RELN: variants seen among roughly 807,000 people sequenced by gnomAD.
The protein encoded by RELN is reelin.
In RELN, 108 loss-of-function variants were observed where a neutral mutation model predicts 427.6. That is an observed-to-expected ratio of 0.25 (90% CI 0.22 to 0.30). The LOEUF is 0.30. RELN is among the 10% of genes least tolerant of loss of function. The probability of loss-of-function intolerance (pLI) is 1.00; values close to 1 mark genes in which losing one functional copy is unlikely to be tolerated. For synonymous variants in RELN, 1,524 were observed against 1,513.4 expected (o/e 1.01, Z -0.16); for missense variants, 3,715 against 4,302.8 (o/e 0.86, Z 3.82).
intron 37 of RELN, 93 bp from the exon 38 acceptor site, chr7:103,557,252 G>A (rs1729020812): frequency 8.6e-6 from 9 of 1,049,674 alleles, no homozygotes; most frequent in Non-Finnish European, 1.3e-5. Context: ...CAATGCATAA[G>A]AGAACTTATG....
intron 28 of RELN, among the ~76,000 whole-genome samples, chr7:103,577,152 T>C (rs1831022322): frequency 6.6e-6 from 1 of 152,198 alleles, no homozygotes; most frequent in Non-Finnish European, 1.5e-5. Flanking sequence ...TCTTAAAGAT[T>C]AATGAAGGTT....
chr7:103,724,572 T>C (rs1790158446), intron 7 of RELN, among the ~76,000 whole-genome samples: 1 of 152,212 alleles, frequency 6.6e-6, no homozygotes, highest in African/African-American at 2.4e-5. Flanking sequence ...TGTCACCTAC[T>C]TGATCAAGTT....
At chr7:103,738,329 C>A (rs933800931) in intron 6 of RELN, among the ~76,000 whole-genome samples, 1 of 151,780 alleles carries the variant, frequency 6.6e-6, no homozygotes, top group African/African-American at 2.4e-5. Flanking sequence ...GTTTTAGTTC[C>A]TTTGCAGTCT....
intron 16 of RELN, among the ~76,000 whole-genome samples, chr7:103,642,990 A>G (rs1268910635): frequency 6.6e-6 from 1 of 152,092 alleles, no homozygotes; most frequent in Non-Finnish European, 1.5e-5. Flanking sequence ...TATAACTCAT[A>G]AGGTCTTTGA....
chr7:103,817,512 T>C (rs1384736068), intron 3 of RELN, among the ~76,000 whole-genome samples: 4 of 152,318 alleles, frequency 2.6e-5, no homozygotes, highest in African/African-American at 7.2e-5. Context: ...TCCTAAATGG[T>C]AAAAGTTGTT....
intron 45 of RELN, among the ~76,000 whole-genome samples, chr7:103,536,117 G>A (rs930887571): frequency 2.0e-5 from 3 of 152,044 alleles, no homozygotes; most frequent in Admixed American, 6.6e-5. Context: ...CTTAGAAATT[G>A]TAAACTCTCT....
chr7:103,505,292 G>A (rs1584244177), intron 51 of RELN, among the ~76,000 whole-genome samples: 3 of 152,300 alleles, frequency 2.0e-5, no homozygotes, highest in Middle Eastern at 3.4e-3. Context: ...CCCAGTAGGG[G>A]CCGACAGACA....
chr7:103,498,227 C>A lies in RELN; in HGVS notation c.8693G>T (p.Ser2898Ile). 1.9e-6 allele frequency: 3 copies of A among 1,613,990 alleles called. No homozygotes were observed. Among genetic ancestry groups the A allele is most frequent in the Non-Finnish European group, 2.5e-6 (3 of 1,179,954 alleles). The change falls in exon 54 of 65, where the codon AGT (serine) becomes ATT (isoleucine). Residue 2898 changes from serine (S) to isoleucine (I), a missense_variant. Ser to Ile is a moderately radical substitution (Grantham distance 142). Coordinates refer to ENST00000428762, the MANE Select transcript of RELN (RefSeq NM_005045.4). ...LKTFLKERFDSEEIKPDLWMS... is the reference protein window; with the variant it reads ...LKTFLKERFDIEEIKPDLWMS... ...CCATAAGTCAGGTTTGATTTCTTCA[C>A]TGTCAAAGCGTTCCTTCAGGAAAGT...
At chr7:103,638,278 C>T (rs147152703) in intron 17 of RELN, among the ~76,000 whole-genome samples, 84 of 152,216 alleles carry the variant, frequency 5.5e-4, no homozygotes, top group African/African-American at 1.9e-3. Flanking sequence ...GGATGACACT[C>T]GTGAAGAAAG....
intron 2 of RELN, among the ~76,000 whole-genome samples, chr7:103,897,244 C>A (rs1204173629): frequency 6.6e-6 from 1 of 152,088 alleles, no homozygotes; most frequent in Non-Finnish European, 1.5e-5. Context: ...AAAATCAGTT[C>A]ATTAGCTGAG....
At chr7:103,642,233 C>T (rs1158143842) in intron 16 of RELN, among the ~76,000 whole-genome samples, 1 of 151,998 alleles carries the variant, frequency 6.6e-6, no homozygotes, top group East Asian at 1.9e-4. Flanking sequence ...CAGAAGTTGA[C>T]TCTGCCATGA....
At chr7:103,726,927 A>G (rs994929025) in intron 7 of RELN, among the ~76,000 whole-genome samples, 2 of 152,108 alleles carry the variant, frequency 1.3e-5, no homozygotes, top group African/African-American at 4.8e-5. Flanking sequence ...TACTATTTTA[A>G]TTTGCATCCA....
At chr7:103,716,314 C>G (rs1172817147) in intron 8 of RELN, among the ~76,000 whole-genome samples, 3 of 152,146 alleles carry the variant, frequency 2.0e-5, no homozygotes, top group African/African-American at 7.2e-5. Flanking sequence ...GTTTTCTTCT[C>G]CCACGTGGAC....
At chr7:103,534,820 TGA>T (rs1830014755) in intron 46 of RELN, among the ~76,000 whole-genome samples, 1 of 152,162 alleles carries the variant, frequency 6.6e-6, no homozygotes, top group South Asian at 2.1e-4. Context: ...ATGCTTCAGG[TGA>T]TAATTCTCAA....
Position 103,561,705 on chromosome 7 carries a change from C to A in RELN, c.5356G>T (p.Asp1786Tyr). Residue 1786 changes from aspartate to tyrosine, a missense_variant, in exon 36 of 65, where the codon GAC (aspartate) becomes TAC (tyrosine). By Grantham distance (160) the Asp-to-Tyr change is radical. This residue lies in a region of RELN where 2,208 missense variants were observed against 2,361.7 expected (regional missense o/e 0.93). Coordinates refer to ENST00000428762, the MANE Select transcript of RELN (RefSeq NM_005045.4). ...GICDAGRCVC[D>Y]RGFGGPYCVP... ...CAATAGGGTCCACCAAAGCCCCGGT[C>A]ACACCTAAGAAAGAGAGGGAGTGGA... is the stretch of plus-strand genomic sequence containing the variant. The A allele has an allele frequency of 6.2e-7, 1 of 1,613,934 alleles. No individual in the cohort carries two copies. The highest frequency in any genetic ancestry group is 8.5e-7 in the Non-Finnish European group (1 of 1,179,936).
chr7:103,509,072 A>C (rs1189436358), intron 51 of RELN, among the ~76,000 whole-genome samples: 3 of 152,216 alleles, frequency 2.0e-5, no homozygotes, highest in Non-Finnish European at 4.4e-5. Flanking sequence ...GAAAATGGCC[A>C]TACTGCCCAA....
At chr7:103,758,634 G>A (rs543779872) in intron 4 of RELN, among the ~76,000 whole-genome samples, 1 of 150,948 alleles carries the variant, frequency 6.6e-6, no homozygotes, top group South Asian at 2.1e-4. Flanking sequence ...AATCCCTCTT[G>A]AGAGCAGAGC....
chr7:103,774,871 C>G (rs1791699204), intron 4 of RELN, among the ~76,000 whole-genome samples: 1 of 152,096 alleles, frequency 6.6e-6, no homozygotes, highest in Non-Finnish European at 1.5e-5. Context: ...CTGGGCTGTA[C>G]AGCATTTTTA....
At chr7:103,890,169 A>G (rs1488948129) in intron 2 of RELN, among the ~76,000 whole-genome samples, 3 of 148,258 alleles carry the variant, frequency 2.0e-5, no homozygotes, top group East Asian at 4.0e-4. Flanking sequence ...AGTTATACCT[A>G]TGTCTTGGAT....
Sources: gnomAD v4.1 joint callset for allele counts (sites outside exome capture counted in the v4.1 genomes callset) on GRCh38, gnomAD v4.1.1 for gene constraint, gnomAD v4.1.1 regional missense constraint, MANE v1.5 for transcripts, NCBI Gene and HGNC (gene_info 2026-07-23, HGNC 2026-07-21) for gene names.